MED12L: variants seen among roughly 807,000 people sequenced by gnomAD.
MED12L encodes the protein mediator of RNA polymerase II transcription subunit 12-like protein.
Under a neutral mutation model 281.3 loss-of-function variants are expected in MED12L, and 60 were observed. The ratio of observed to expected loss-of-function variants is 0.21; its 90% CI spans 0.17 to 0.26. The LOEUF is 0.26. Among genes scored for constraint, MED12L ranks in the 10% least tolerant of loss-of-function variants. The pLI is 1.00. For missense variants in MED12L, 2,146 were observed against 2,680.9 expected, an observed-to-expected ratio of 0.80 and a Z score of 4.41; for synonymous variants, 974 against 987.2, an observed-to-expected ratio of 0.99 and a Z score of 0.25.
intron 13 of MED12L, among the ~76,000 whole-genome samples, chr3:151,189,201 G>T (rs1181832923): frequency 2.0e-5 from 3 of 152,172 alleles, no homozygotes. Context: ...AAGAGGTAAA[G>T]CAACAACAAA....
At chr3:151,348,048 A>G (rs1381558330) in intron 16 of MED12L, among the ~76,000 whole-genome samples, 4 of 152,094 alleles carry the variant, frequency 2.6e-5, no homozygotes. Flanking sequence ...TGTAAATACT[A>G]CTTTGATGAC....
chr3:151,106,188 C>T (rs1307845463), intron 2 of MED12L, among the ~76,000 whole-genome samples: 5 of 151,326 alleles, frequency 3.3e-5, no homozygotes, highest in Admixed American at 1.3e-4. Context: ...CTATTCAAGT[C>T]GGATAATGTC....
At chr3:151,386,032 G>A (rs567366782) in intron 36 of MED12L, among the ~76,000 whole-genome samples, 27 of 152,274 alleles carry the variant, frequency 1.8e-4, no homozygotes, top group African/African-American at 5.8e-4. Context: ...GGATAGAATA[G>A]AGGGTCCCCA....
intron 26 of MED12L, 75 bp downstream of exon 26, chr3:151,369,624 A>G: frequency 1.0e-6 from 1 of 957,234 alleles, no homozygotes; most frequent in Admixed American, 2.5e-5. Flanking sequence ...TTCAGGTTTA[A>G]ATCTAGTAGT....
At chr3:151,280,781 C>A (rs74413024) in intron 16 of MED12L, among the ~76,000 whole-genome samples, 1 of 151,614 alleles carries the variant, frequency 6.6e-6, no homozygotes, top group Non-Finnish European at 1.5e-5. Context: ...CTCGTACACT[C>A]GATTGAAGCG....
At chr3:151,230,324 T>C (rs1360497570) in intron 16 of MED12L, among the ~76,000 whole-genome samples, 1 of 152,260 alleles carries the variant, frequency 6.6e-6, no homozygotes, top group Admixed American at 6.5e-5. Flanking sequence ...CCACTTGTGA[T>C]ATTTCACCTT....
chr3:151,408,086 C>T (rs1449535876), intron 39 of MED12L, among the ~76,000 whole-genome samples: 1 of 152,188 alleles, frequency 6.6e-6, no homozygotes, highest in African/African-American at 2.4e-5. Flanking sequence ...CCTAGGCTTT[C>T]AAGTCAGACT....
At chr3:151,422,855 G>A (rs1484342433) in intron 43 of MED12L, among the ~76,000 whole-genome samples, 4 of 135,834 alleles carry the variant, frequency 2.9e-5, no homozygotes, top group Non-Finnish European at 6.3e-5. Flanking sequence ...GAAATTGAAT[G>A]TTAATTTTTT....
chr3:151,354,099 C>T lies in MED12L; in HGVS notation c.2399-1022C>T, dbSNP rs1182941155. On this transcript the variant is annotated intron_variant, in intron 17 of 44. Coordinates refer to ENST00000687756, the MANE Select transcript of MED12L (RefSeq NM_001393769.1). Reference sequence around the variant, plus strand: ...GAGCTTGCAGTGAGCCGAGATCCCGCCACTGCACTCCAGCCTGGGCGACAG... The same window carrying T: ...GAGCTTGCAGTGAGCCGAGATCCCGTCACTGCACTCCAGCCTGGGCGACAG... Among the ~76,000 whole-genome samples the T allele has an allele frequency of 1.0e-4, 14 of 136,958 alleles. No homozygotes were observed. In the Admixed American group the frequency reaches 1.1e-3, roughly 11 times the overall value. 89.8% of individuals were successfully genotyped at this position (136,958 alleles called of 152,430 possible).
chr3:151,318,063 G>T (rs1297055159), intron 16 of MED12L, among the ~76,000 whole-genome samples: 1 of 151,670 alleles, frequency 6.6e-6, no homozygotes, highest in East Asian at 1.9e-4. Flanking sequence ...CAAGAGTTGG[G>T]TATCAAAATT....
At chr3:151,377,876 A>G in intron 30 of MED12L, 136 bp from the exon 31 acceptor site, 1 of 791,564 alleles carries the variant, frequency 1.3e-6, no homozygotes, top group Non-Finnish European at 1.8e-6. Context: ...AGGAAAGATA[A>G]TACAGAAATA....
At chr3:151,323,082 G>A (rs1164447541) in intron 16 of MED12L, among the ~76,000 whole-genome samples, 2 of 152,166 alleles carry the variant, frequency 1.3e-5, no homozygotes, top group Non-Finnish European at 2.9e-5. Flanking sequence ...CGAGGAGAAG[G>A]GGGTGGAGGC....
intron 11 of MED12L, among the ~76,000 whole-genome samples, chr3:151,166,515 AAG>A (rs1362627114): frequency 1.3e-5 from 2 of 151,908 alleles, no homozygotes; most frequent in Admixed American, 6.6e-5. Context: ...GGGGGGAGAA[AAG>A]AGAGGGGTAT....
intron 16 of MED12L, among the ~76,000 whole-genome samples, chr3:151,264,644 T>C (rs1487064673): frequency 6.6e-6 from 1 of 152,214 alleles, no homozygotes; most frequent in African/African-American, 2.4e-5. Context: ...TCATAATCAA[T>C]GCTGGGAGCA....
At chr3:151,250,241 A>AT (rs1023120588) in intron 16 of MED12L, among the ~76,000 whole-genome samples, 29 of 151,978 alleles carry the variant, frequency 1.9e-4, no homozygotes, top group Non-Finnish European at 3.4e-4. Context: ...ATTTTGAAAG[A>AT]TTTTTTTTGT....
intron 16 of MED12L, among the ~76,000 whole-genome samples, chr3:151,333,149 A>T (rs1750546772): frequency 6.6e-6 from 1 of 152,200 alleles, no homozygotes; most frequent in Non-Finnish European, 1.5e-5. Context: ...TATACCAATG[A>T]TAAGAATTTA....
intron 35 of MED12L, 26 bp from the exon 36 acceptor site, chr3:151,385,002 ACT>A (rs549864983): frequency 0.012 from 12,156 of 1,052,754 alleles, no homozygotes; most frequent in Non-Finnish European, 0.013. Flanking sequence ...CCCACTTCTC[ACT>A]CTCTCTCTCT....
chr3:151,190,695 G>A, intron 13 of MED12L, 22 bp from the exon 14 acceptor site: 3 of 1,609,000 alleles, frequency 1.9e-6, no homozygotes, highest in Non-Finnish European at 8.5e-7. Context: ...AGGAATTCTT[G>A]ATTGAATTTG....
At chr3:151,370,276 A>G (rs1756012339) in intron 26 of MED12L, among the ~76,000 whole-genome samples, 2 of 152,292 alleles carry the variant, frequency 1.3e-5, no homozygotes, top group Admixed American at 6.5e-5. Flanking sequence ...GCCTAATTCC[A>G]ACTTTGGGTA....
Sources: gnomAD v4.1 joint callset for allele counts (sites outside exome capture counted in the v4.1 genomes callset) on GRCh38, gnomAD v4.1.1 for gene constraint, MANE v1.5 for transcripts, NCBI Gene and HGNC (gene_info 2026-07-23, HGNC 2026-07-21) for gene names.